The following GSE1 variants were observed in gnomAD, a reference collection of about 807,000 sequenced individuals.
GSE1 encodes Gse1 coiled-coil protein.
GSE1 carries 32 observed loss-of-function variants against 112.6 expected under a neutral mutation model. The ratio of observed to expected loss-of-function variants is 0.28; its 90% CI spans 0.21 to 0.38. The LOEUF is 0.38. Among genes scored for constraint, GSE1 ranks in the 10% least tolerant of loss-of-function variants. The pLI, the probability that GSE1 is intolerant of heterozygous loss-of-function variation, is 1.00. For missense variants in GSE1, 2,348 were observed against 1,699.2 expected (o/e 1.38, Z -6.71); for synonymous variants, 1,115 against 735.6 (o/e 1.52, Z -8.35).
chr16:85,424,520 G>A (rs1018827160), intron 2 of GSE1, among the ~76,000 whole-genome samples: 2 of 152,218 alleles, frequency 1.3e-5, no homozygotes, highest in Non-Finnish European at 2.9e-5. Context: ...GCCCTGCCTG[G>A]CCCTGGGCAT....
Position 85,668,360 on chromosome 16 carries a change from A to G in GSE1, c.3351A>G (p.Glu1117=), listed in dbSNP as rs752921877. The stretch of plus-strand genomic sequence containing the variant: ...ATGAAGATGGAGAAGATGAGGAGGA[A>G]GTCCCCAAGCGCAAGTGGCAAGGGA... The part of the protein sequence containing the change: ...EDDEDGEDEE[E]VPKRKWQGIE... The change falls in exon 14 of 16, where the codon GAA becomes GAG. Residue 1117 remains glutamate (E), a synonymous_variant. Transcript: ENST00000253458. 3.5e-5 allele frequency: 57 copies of G among 1,613,288 alleles called. No homozygotes were observed. The highest frequency in any genetic ancestry group is 4.5e-5 in the Non-Finnish European group (53 of 1,179,752).
At position 85,674,678 on chromosome 16, in the gene GSE1, C is replaced by T. The variant is rs1481679275; in HGVS notation, c.*2139C>T. On this transcript the variant is annotated 3_prime_UTR_variant, in exon 16 of 16. Coordinates refer to ENST00000253458, the MANE Select transcript of GSE1 (RefSeq NM_014615.5). ...AAAAGTAGATCCGATAACTTAAAAACGTAGCTCATCCCTTACCATCCAAGG... is the reference window on the plus strand; with the variant it reads ...AAAAGTAGATCCGATAACTTAAAAATGTAGCTCATCCCTTACCATCCAAGG... 6.6e-6 allele frequency: 1 copy of T among 152,244 alleles called. No homozygotes were observed. The highest frequency in any genetic ancestry group is 1.5e-5 in the Non-Finnish European group (1 of 68,056). The allele number at this position is 152,244 out of a possible 1,614,324, so 9.4% of individuals were successfully genotyped here.
intron 1 of GSE1, among the ~76,000 whole-genome samples, chr16:85,624,612 C>T (rs1484755744): frequency 6.6e-6 from 1 of 152,252 alleles, no homozygotes; most frequent in African/African-American, 2.4e-5. Flanking sequence ...GCACCATGGC[C>T]AGGACAGCTG....
chr16:85,629,752 ACT>A (rs758451138), intron 1 of GSE1, among the ~76,000 whole-genome samples: 3 of 151,806 alleles, frequency 2.0e-5, no homozygotes, highest in African/African-American at 7.3e-5. Flanking sequence ...TGTTTTGGAG[ACT>A]CTGGGTGAAG....
chr16:85,638,804 C>G (rs2050212611), intron 2 of GSE1, among the ~76,000 whole-genome samples: 1 of 149,052 alleles, frequency 6.7e-6, no homozygotes, highest in Non-Finnish European at 1.5e-5. Context: ...CCCCCATCAT[C>G]TGCCCTGGGA....
intron 1 of GSE1, among the ~76,000 whole-genome samples, chr16:85,628,284 G>A (rs561383573): frequency 6.6e-5 from 10 of 152,342 alleles, no homozygotes; most frequent in East Asian, 1.9e-4. Context: ...CAGCAGAGCC[G>A]CTTCCCAGGC....
intron 1 of GSE1, among the ~76,000 whole-genome samples, chr16:85,344,920 C>T (rs2046701987): frequency 6.6e-6 from 1 of 152,274 alleles, no homozygotes; most frequent in African/African-American, 2.4e-5. Context: ...CCCGTGGGTG[C>T]TGCTGTAGCC....
chr16:85,382,009 A>G lies in GSE1; in HGVS notation c.2464+24366A>G, dbSNP rs145481144. The stretch of plus-strand genomic sequence containing the variant: ...TAACAGGCGTGCAGGCTGTCAGCCA[A>G]GCTGGCTCTCAGGTCTCCTGGAGCT... On this transcript the variant is annotated intron_variant, in intron 2 of 2. Coordinates refer to the GSE1 transcript ENST00000637419. Among the ~76,000 whole-genome samples, 946 of 152,318 alleles carry G rather than the reference A, an allele frequency of 6.2e-3. 7 individuals are homozygous for G. The highest frequency in any genetic ancestry group is 0.022 in the African/African-American group (905 of 41,576).
chr16:85,637,067 T>C (rs1008569458), intron 2 of GSE1, among the ~76,000 whole-genome samples: 2 of 152,252 alleles, frequency 1.3e-5, no homozygotes, highest in South Asian at 2.1e-4. Flanking sequence ...AAATTCACCC[T>C]GTAGAAGCGC....
At chr16:85,395,644 C>T (rs1411865160) in intron 2 of GSE1, among the ~76,000 whole-genome samples, 3 of 152,226 alleles carry the variant, frequency 2.0e-5, no homozygotes, top group African/African-American at 7.2e-5. Context: ...CCAGGCCTCC[C>T]GAGAAAGCCC....
chr16:85,302,172 G>C (rs1445737803), intron 1 of GSE1, among the ~76,000 whole-genome samples: 1 of 152,120 alleles, frequency 6.6e-6, no homozygotes, highest in Non-Finnish European at 1.5e-5. Flanking sequence ...GGAAGGGATC[G>C]AGGAAATAAA....
In GSE1 at chr16:85,656,458, C is replaced by G; in HGVS notation, c.1105C>G (p.Arg369Gly). The G allele has an allele frequency of 6.5e-7, 1 of 1,549,996 alleles. No individual in the cohort carries two copies. Among genetic ancestry groups the G allele is most frequent in the Non-Finnish European group, 8.7e-7 (1 of 1,143,640 alleles). ...ACGTGAGCGCGAACGCGAGAAGGAG[C>G]GCGAGCAAGAGAAGGAGCGTGAGCG... ...KEREREREKE[R>G]EQEKEREREK... Residue 369 changes from arginine to glycine, a missense_variant, in exon 7 of 16, where the codon CGC (arginine) becomes GGC (glycine). Transcript: ENST00000253458.
Position 85,600,288 on chromosome 16 carries a change from C to T in GSE1, c.37+43925C>T, listed in dbSNP as rs142700031. On this transcript the variant is annotated intron_variant, in intron 1 of 2. Coordinates refer to the GSE1 transcript ENST00000635906. ...TGAGCCAGGAATAGAACTCCTGAGC[C>T]GGGCTGTGATCACCCTGTGCCCAAA... Among the ~76,000 whole-genome samples the T allele has an allele frequency of 4.7e-4, 71 of 152,262 alleles. No individual in the cohort carries two copies. The East Asian group carries it at 0.012, about 26-fold the overall frequency.
chr16:85,622,438 C>T (rs551688537), intron 1 of GSE1, among the ~76,000 whole-genome samples: 8 of 152,306 alleles, frequency 5.3e-5, no homozygotes, highest in African/African-American at 1.9e-4. Flanking sequence ...GGTGTTCATA[C>T]TCGTGGGTTG....
intron 1 of GSE1, among the ~76,000 whole-genome samples, chr16:85,180,767 G>A (rs1041395704): frequency 6.6e-6 from 1 of 152,192 alleles, no homozygotes; most frequent in Non-Finnish European, 1.5e-5. Flanking sequence ...GGGAAGGCAG[G>A]CTGGGAGGGA....
chr16:85,565,423 A>AAAAAC (rs34832164), intron 1 of GSE1, among the ~76,000 whole-genome samples: 22 of 151,062 alleles, frequency 1.5e-4, no homozygotes, highest in African/African-American at 5.4e-4. Context: ...AAACAAAAAA[A>AAAAAC]CCACCAACCA....
intron 1 of GSE1, among the ~76,000 whole-genome samples, chr16:85,349,028 A>T (rs975622727): frequency 2.6e-5 from 4 of 152,016 alleles, no homozygotes; most frequent in African/African-American, 9.7e-5. Flanking sequence ...CAGATGTGGC[A>T]GCCACCAGCC....
At position 85,675,973 on chromosome 16, in the gene GSE1, G is replaced by A. The variant is rs142018526; in HGVS notation, c.*3434G>A. ...ACTGGTGTTATTTTGTATGTACCCT[G>A]TGCTTAATTCTATAACAGTAAACCC... On this transcript the variant is annotated 3_prime_UTR_variant, in exon 16 of 16. Transcript: ENST00000253458. 1 of 152,626 alleles carries A rather than the reference G, an allele frequency of 6.6e-6. No individual in the cohort carries two copies. The highest frequency in any genetic ancestry group is 1.5e-5 in the Non-Finnish European group (1 of 68,036). The allele number at this position is 152,626 out of a possible 1,614,324, so 9.5% of individuals were successfully genotyped here. A position where few individuals can be genotyped will look rare whatever the true frequency, so the allele number is the denominator to read the frequency against.
At chr16:85,298,554 A>G (rs1477398485) in intron 1 of GSE1, among the ~76,000 whole-genome samples, 1 of 152,080 alleles carries the variant, frequency 6.6e-6, no homozygotes, top group Non-Finnish European at 1.5e-5. Context: ...CGGCCTCCCA[A>G]GTAGCTGGGA....
Sources: gnomAD v4.1 joint callset for allele counts (sites outside exome capture counted in the v4.1 genomes callset) on GRCh38, gnomAD v4.1.1 for gene constraint, MANE v1.5 for transcripts, NCBI Gene and HGNC (gene_info 2026-07-23, HGNC 2026-07-21) for gene names.